Variants in UTP14C observed in about 807,000 individuals in gnomAD.
UTP14C encodes U3 small nucleolar RNA-associated protein 14 homolog C.
Under a neutral mutation model 14.6 loss-of-function variants are expected in UTP14C, and 10 were observed. That is an observed-to-expected ratio of 0.68 (90% CI 0.42 to 1.16). The LOEUF (loss-of-function observed/expected upper bound fraction) is 1.16, where lower values mean the gene tolerates loss of function less well. UTP14C is among the 50% of genes most tolerant of loss of function. The pLI, the probability that UTP14C is intolerant of heterozygous loss-of-function variation, is 0.00. For missense variants in UTP14C, 818 were observed against 890.8 expected, an observed-to-expected ratio of 0.92 and a Z score of 1.04; for synonymous variants, 315 against 331.6, an observed-to-expected ratio of 0.95 and a Z score of 0.54.
rs1954318214 is a variant in UTP14C, at chr13:52,032,799, C to T, written c.*1694C>T. ...GATTAGCCCAGTTCTCTCTTATTTT[C>T]AGCTTTACAGACAAGAACAATTTAA... On this transcript the variant is annotated 3_prime_UTR_variant, in exon 2 of 2. Coordinates refer to ENST00000521776, the MANE Select transcript of UTP14C (RefSeq NM_021645.6). 2 of 167,200 alleles carry T rather than the reference C, an allele frequency of 1.2e-5. No individual in the cohort carries two copies. The highest frequency in any genetic ancestry group is 4.1e-4 in the South Asian group (2 of 4,822). The allele number at this position is 167,200 out of a possible 1,614,324, so 10.4% of individuals were successfully genotyped here. A position where few individuals can be genotyped will look rare whatever the true frequency, so the allele number is the denominator to read the frequency against.
chr13:52,026,369 A>G (rs559901065), intron 1 of UTP14C, among the ~76,000 whole-genome samples: 1 of 152,328 alleles, frequency 6.6e-6, no homozygotes, highest in East Asian at 1.9e-4. Context: ...CCAGTGGAAA[A>G]AAATAGCAGG....
At position 52,030,376 on chromosome 13, in the gene UTP14C, G is replaced by A. The variant is rs769650111; in HGVS notation, c.1572G>A (p.Lys524=). ...GAAAAGAAGATTGTTTTCAAAATAA[G>A]GAGCTTCCCAGACCTGTGTTAGAAG... The part of the protein sequence containing the change: ...ELGKEDCFQN[K]ELPRPVLEGQ... The change falls in exon 2 of 2, where the codon AAG becomes AAA. Residue 524 remains lysine, a synonymous_variant. Transcript: ENST00000521776. 4 of 1,614,178 alleles carry A rather than the reference G, an allele frequency of 2.5e-6. No homozygotes were observed. In the South Asian group the frequency reaches 4.4e-5, roughly 18 times the overall value.
chr13:52,031,430 G>A lies in UTP14C; in HGVS notation c.*325G>A, dbSNP rs938804653. 4 of 295,208 alleles carry A rather than the reference G, an allele frequency of 1.4e-5. No individual in the cohort carries two copies. The highest frequency in any genetic ancestry group is 2.7e-5 in the Non-Finnish European group (4 of 149,416). 18.3% of individuals were successfully genotyped at this position (295,208 alleles called of 1,614,324 possible). ...TTCTCAAAGCATACAGTCAAGAGGTGGGACTGACTGATGCTTTATAGGTGT... is the reference window on the plus strand; with the variant it reads ...TTCTCAAAGCATACAGTCAAGAGGTAGGACTGACTGATGCTTTATAGGTGT... On this transcript the variant is annotated 3_prime_UTR_variant, in exon 2 of 2. Transcript: ENST00000521776.
Position 52,030,347 on chromosome 13 carries a change from C to T in UTP14C, c.1543C>T (p.Leu515=), listed in dbSNP as rs1954288830. Residue 515 remains leucine (L), a synonymous_variant, in exon 2 of 2, where the codon CTG becomes TTG. Transcript: ENST00000521776. The part of the protein sequence containing the change: ...RVQTLEELEE[L]GKEDCFQNKE... ...ACAAACTCTGGAAGAGCTAGAAGAG[C>T]TGGGAAAAGAAGATTGTTTTCAAAA... 4.3e-6 allele frequency: 7 copies of T among 1,614,152 alleles called. No homozygotes were observed. Among genetic ancestry groups the T allele is most frequent in the African/African-American group, 2.7e-5 (2 of 75,028 alleles).
At position 52,029,399 on chromosome 13, in the gene UTP14C, A is replaced by T. The variant is rs1954274956; in HGVS notation, c.595A>T (p.Thr199Ser). 2 of 1,614,036 alleles carry T rather than the reference A, an allele frequency of 1.2e-6. No individual in the cohort carries two copies. Among genetic ancestry groups the T allele is most frequent in the Admixed American group, 1.7e-5 (1 of 59,990 alleles). The change falls in exon 2 of 2, where the codon ACA becomes TCA. Residue 199 changes from threonine (T) to serine (S), a missense_variant. Coordinates refer to ENST00000521776, the MANE Select transcript of UTP14C (RefSeq NM_021645.6). ...NLLHKNKQPV[T>S]DPLLTPMEKA... ...CCTCCATAAGAACAAGCAGCCAGTGACAGATCCTTTACTGACTCCCATGGA... is the reference window on the plus strand; with the variant it reads ...CCTCCATAAGAACAAGCAGCCAGTGTCAGATCCTTTACTGACTCCCATGGA...
Position 52,029,809 on chromosome 13 carries a change from A to G in UTP14C, c.1005A>G (p.Lys335=), listed in dbSNP as rs761061010. The change falls in exon 2 of 2, where the codon AAA becomes AAG. Residue 335 remains lysine, a synonymous_variant. Transcript: ENST00000521776. Reference sequence around the variant, plus strand: ...CCAAGAACAAAGAACTGACACAGAAACTCCAGGTAGCCTCTGAGAGTGAGG... The same window carrying G: ...CCAAGAACAAAGAACTGACACAGAAGCTCCAGGTAGCCTCTGAGAGTGAGG... ...QLAKNKELTQ[K]LQVASESEEE... 32 of 1,614,078 alleles carry G rather than the reference A, an allele frequency of 2.0e-5. No homozygotes were observed. Among genetic ancestry groups the G allele is most frequent in the Non-Finnish European group, 2.7e-5 (32 of 1,180,046 alleles).
chr13:52,027,451 G>T (rs562474322), intron 1 of UTP14C, among the ~76,000 whole-genome samples: 1 of 152,266 alleles, frequency 6.6e-6, no homozygotes, highest in South Asian at 2.1e-4. Context: ...GTTCTGCAGG[G>T]ATTTCACCAG....
In UTP14C at chr13:52,030,393, T is replaced by C. The variant is rs1954289523; in HGVS notation, c.1589T>C (p.Val530Ala). The C allele has an allele frequency of 6.2e-7, 1 of 1,614,022 alleles. No homozygotes were observed. Residue 530 changes from valine to alanine, a missense_variant, in exon 2 of 2, where the codon GTG (valine) becomes GCG (alanine). Coordinates refer to ENST00000521776, the MANE Select transcript of UTP14C (RefSeq NM_021645.6). ...CFQNKELPRP[V>A]LEGQQSERTP... ...CAAAATAAGGAGCTTCCCAGACCTG[T>C]GTTAGAAGGACAGCAGTCAGAGAGG...
Position 52,030,626 on chromosome 13 carries a change from T to A in UTP14C, c.1822T>A (p.Leu608Met). Residue 608 changes from leucine to methionine, a missense_variant, in exon 2 of 2, where the codon TTG becomes ATG. Leu to Met is a conservative substitution (Grantham distance 15). Coordinates refer to ENST00000521776, the MANE Select transcript of UTP14C (RefSeq NM_021645.6). ...FAGDDVIRDF[L>M]KEKREAVEAS... Reference sequence around the variant, plus strand: ...TGGGGATGATGTCATCAGAGATTTCTTGAAAGAGAAGAGGGAAGCTGTGGA... The same window carrying A: ...TGGGGATGATGTCATCAGAGATTTCATGAAAGAGAAGAGGGAAGCTGTGGA... 27 of 1,614,146 alleles carry A rather than the reference T, an allele frequency of 1.7e-5. No homozygotes were observed. Among genetic ancestry groups the A allele is most frequent in the Non-Finnish European group, 2.2e-5 (26 of 1,180,016 alleles).
At position 52,029,901 on chromosome 13, in the gene UTP14C, A is replaced by G; in HGVS notation, c.1097A>G (p.Asn366Ser). 3.1e-6 allele frequency: 5 copies of G among 1,614,214 alleles called. No homozygotes were observed. Among genetic ancestry groups the G allele is most frequent in the African/African-American group, 2.7e-5 (2 of 75,058 alleles). ...CATGTAGCGAATGAAGTGCAGATGA[A>G]TGTGGACGGACCGAATCCCTGGATG... ...VPHVANEVQMNVDGPNPWMFR... is the reference protein window; with the variant it reads ...VPHVANEVQMSVDGPNPWMFR... Residue 366 changes from asparagine (N) to serine (S), a missense_variant, in exon 2 of 2, where the codon AAT becomes AGT. Coordinates refer to ENST00000521776, the MANE Select transcript of UTP14C (RefSeq NM_021645.6).
At chr13:52,028,279 A>G (rs2140846904) in intron 1 of UTP14C, 40 bp from the exon 2 acceptor site, 1 of 1,613,772 alleles carries the variant, frequency 6.2e-7, no homozygotes, top group Non-Finnish European at 8.5e-7. Context: ...AACACACTCA[A>G]AAACTTAAAA....
intron 1 of UTP14C, among the ~76,000 whole-genome samples, chr13:52,026,149 G>A (rs1450298733): frequency 6.6e-6 from 1 of 152,206 alleles, no homozygotes; most frequent in Non-Finnish European, 1.5e-5. Context: ...AAGCGCCAAA[G>A]AGAAACCTAA....
intron 1 of UTP14C, 25 bp downstream of exon 1, chr13:52,024,962 G>A (rs774400069): frequency 6.3e-7 from 1 of 1,591,036 alleles, no homozygotes; most frequent in Non-Finnish European, 8.6e-7. Context: ...TAAACAACTT[G>A]TTTGGTGCCA....
At position 52,029,348 on chromosome 13, in the gene UTP14C, C is replaced by G; in HGVS notation, c.544C>G (p.Pro182Ala). ...GCTCAGTGGCTGGAAGGCAAGAACT[C>G]CCCTGGAGCAGGAAATTTTTAACCT... ...HALSGWKART[P>A]LEQEIFNLLH... The change falls in exon 2 of 2, where the codon CCC (proline) becomes GCC (alanine). Residue 182 changes from proline to alanine, a missense_variant. By Grantham distance (27) the Pro-to-Ala change is conservative. Coordinates refer to ENST00000521776, the MANE Select transcript of UTP14C (RefSeq NM_021645.6). 1 of 1,614,112 alleles carries G rather than the reference C, an allele frequency of 6.2e-7. No homozygotes were observed. The highest frequency in any genetic ancestry group is 8.5e-7 in the Non-Finnish European group (1 of 1,180,014).
chr13:52,029,395 A>C lies in UTP14C; in HGVS notation c.591A>C (p.Pro197=), dbSNP rs1236505190. 1 of 1,614,040 alleles carries C rather than the reference A, an allele frequency of 6.2e-7. No individual in the cohort carries two copies. The highest frequency in any genetic ancestry group is 8.5e-7 in the Non-Finnish European group (1 of 1,180,050). Residue 197 remains proline (P), a synonymous_variant, in exon 2 of 2, where the codon CCA becomes CCC. Transcript: ENST00000521776. ...ACCTCCTCCATAAGAACAAGCAGCCAGTGACAGATCCTTTACTGACTCCCA... is the reference window on the plus strand; with the variant it reads ...ACCTCCTCCATAAGAACAAGCAGCCCGTGACAGATCCTTTACTGACTCCCA... ...IFNLLHKNKQ[P]VTDPLLTPME... is the part of the protein sequence containing the mutation.
At position 52,024,764 on chromosome 13, in the gene UTP14C, G is replaced by T. The variant is rs886050313; in HGVS notation, c.-660G>T. 2 of 1,614,120 alleles carry T rather than the reference G, an allele frequency of 1.2e-6. No homozygotes were observed. The highest frequency in any genetic ancestry group is 1.3e-5 in the African/African-American group (1 of 74,950). On this transcript the variant is annotated 5_prime_UTR_variant, in exon 1 of 2. Coordinates refer to ENST00000521776, the MANE Select transcript of UTP14C (RefSeq NM_021645.6). The stretch of plus-strand genomic sequence containing the variant: ...CTTAAACTTGTCCTCATTGGAGGTT[G>T]TCGTAACAAAGATGATGAACTTAGG...
At chr13:52,024,980 C>T (rs773147902) in intron 1 of UTP14C, 43 bp downstream of exon 1, 1 of 1,561,602 alleles carries the variant, frequency 6.4e-7, no homozygotes, top group Non-Finnish European at 8.7e-7. Flanking sequence ...CCATGAGATA[C>T]ACATTTTAAG....
At chr13:52,025,164 A>T (rs934843521) in intron 1 of UTP14C, among the ~76,000 whole-genome samples, 1 of 152,170 alleles carries the variant, frequency 6.6e-6, no homozygotes, top group Non-Finnish European at 1.5e-5. Flanking sequence ...AGATTTTTAC[A>T]TGTATTATCT....
intron 1 of UTP14C, among the ~76,000 whole-genome samples, chr13:52,026,736 C>T (rs1459367669): frequency 6.6e-6 from 1 of 152,080 alleles, no homozygotes; most frequent in Non-Finnish European, 1.5e-5. Flanking sequence ...TTTGAACCTG[C>T]AGAATTTGAG....
Sources: allele counts gnomAD v4.1 joint callset (sites outside exome capture counted in the v4.1 genomes callset), GRCh38; gene constraint gnomAD v4.1.1; transcripts MANE v1.5; gene names NCBI Gene and HGNC (gene_info 2026-07-23, HGNC 2026-07-21).